The following SHANK2 variants were observed in gnomAD, a reference collection of about 807,000 sequenced individuals.
SHANK2 encodes SH3 and multiple ankyrin repeat domains protein 2.
SHANK2 carries 43 observed loss-of-function variants against 133.7 expected under a neutral mutation model. The observed-to-expected ratio is 0.32, with a 90% CI of 0.25 to 0.41. The LOEUF (loss-of-function observed/expected upper bound fraction) is 0.41. Ranked by LOEUF, SHANK2 falls within the 10% of genes least tolerant of loss-of-function variation. SHANK2 has a pLI of 1.00. For synonymous variants in SHANK2, 1,017 were observed against 952.8 expected (o/e 1.07, Z -1.24); for missense variants, 1,994 against 2,235.8 (o/e 0.89, Z 2.18).
intron 14 of SHANK2, among the ~76,000 whole-genome samples, chr11:70,741,564 G>A (rs1184781892): frequency 6.6e-6 from 1 of 152,182 alleles, no homozygotes; most frequent in East Asian, 1.9e-4. Flanking sequence ...CTTTCTTGGA[G>A]GTACTGCCTA....
chr11:70,654,830 T>C (rs1472594060), intron 17 of SHANK2, among the ~76,000 whole-genome samples: 2 of 151,096 alleles, frequency 1.3e-5, no homozygotes. Flanking sequence ...TGCAGTGGCG[T>C]GATCTCGGCT....
intron 4 of SHANK2, among the ~76,000 whole-genome samples, chr11:71,117,510 T>G (rs1555100583): frequency 6.6e-6 from 1 of 152,200 alleles, no homozygotes; most frequent in South Asian, 2.1e-4. Context: ...TGGGGGCTGG[T>G]GGCCGGAAGG....
intron 10 of SHANK2, chr11:70,942,981 A>G (rs1473815491): frequency 6.7e-6 from 3 of 448,908 alleles, no homozygotes; most frequent in Admixed American, 4.8e-5. Flanking sequence ...TTAGCTTGGG[A>G]GACTTATGCA....
chr11:70,515,637 G>GGA (rs781956373), intron 17 of SHANK2, among the ~76,000 whole-genome samples: 10 of 79,958 alleles, frequency 1.3e-4, no homozygotes, highest in Middle Eastern at 9.4e-3. Flanking sequence ...CTCGTTCCTT[G>GGA]AAAAAAAAAA....
rs1555052044 is a variant in SHANK2, at chr11:70,807,022, T to C, written c.1643A>G (p.His548Arg). ...CTGACCTTTGACCCTGTCACCGCGG[T>C]GAAGGGGGATCTCGCCGTCCACTTG... Reference protein sequence around the residue: ...QPQVDGEIPLHRGDRVKVLSI... With the variant: ...QPQVDGEIPLRRGDRVKVLSI... Residue 548 changes from histidine (H) to arginine (R), a missense_variant, in exon 13 of 26, where the codon CAC becomes CGC. Physicochemically the swap from His to Arg is conservative, Grantham distance 29. This residue lies in a region of SHANK2 where 653 missense variants were observed against 563.4 expected (regional missense o/e 1.16). Transcript: ENST00000601538. The surrounding 1 kb of genome is among the most constrained non-coding windows in gnomAD (Gnocchi z 4.8). The C allele has an allele frequency of 1.4e-6, 1 of 716,952 alleles. No homozygotes were observed. Among genetic ancestry groups the C allele is most frequent in the Non-Finnish European group, 2.6e-6 (1 of 384,636 alleles). 44.4% of individuals were successfully genotyped at this position (716,952 alleles called of 1,614,324 possible). A position where few individuals can be genotyped will look rare whatever the true frequency, so the allele number is the denominator to read the frequency against.
intron 25 of SHANK2, among the ~76,000 whole-genome samples, chr11:70,484,595 C>T (rs2058776142): frequency 6.6e-6 from 1 of 152,210 alleles, no homozygotes; most frequent in African/African-American, 2.4e-5. Context: ...AATATAGGCT[C>T]CTTCCAGACA....
chr11:70,914,184 T>C (rs191544512), intron 10 of SHANK2, among the ~76,000 whole-genome samples: 4 of 152,194 alleles, frequency 2.6e-5, no homozygotes, highest in East Asian at 3.9e-4. Flanking sequence ...CTCAGCTGCA[T>C]TGGACAGCCT....
chr11:70,499,204 C>G (rs577416222), intron 21 of SHANK2, among the ~76,000 whole-genome samples: 1 of 152,278 alleles, frequency 6.6e-6, no homozygotes, highest in Non-Finnish European at 1.5e-5. Context: ...CAGCAACGCT[C>G]GGTGTCTTCA....
At chr11:70,531,097 G>T (rs543101426) in intron 17 of SHANK2, among the ~76,000 whole-genome samples, 3 of 133,012 alleles carry the variant, frequency 2.3e-5, no homozygotes, top group African/African-American at 8.3e-5. Flanking sequence ...GGTGGAGGTT[G>T]CAATGAGCCA....
At chr11:70,898,373 A>C (rs934267456) in intron 10 of SHANK2, among the ~76,000 whole-genome samples, 2 of 152,020 alleles carry the variant, frequency 1.3e-5, no homozygotes, top group Non-Finnish European at 2.9e-5. Context: ...GGTGAAAAAA[A>C]CCAAATATCT....
At chr11:71,230,851 G>C (rs782120186) in intron 1 of SHANK2, among the ~76,000 whole-genome samples, 22 of 152,264 alleles carry the variant, frequency 1.4e-4, no homozygotes, top group African/African-American at 2.6e-4. Context: ...AACGATGCTG[G>C]AGCAATTGGA....
At chr11:70,814,150 C>A (rs1255636085) in intron 12 of SHANK2, among the ~76,000 whole-genome samples, 1 of 152,140 alleles carries the variant, frequency 6.6e-6, no homozygotes, top group Non-Finnish European at 1.5e-5. Context: ...ATGGCGCAAC[C>A]CCATCTCTAC....
chr11:71,221,074 G>A (rs181130001), intron 2 of SHANK2, among the ~76,000 whole-genome samples: 567 of 151,960 alleles, frequency 3.7e-3, no homozygotes, highest in African/African-American at 0.013. Flanking sequence ...GGTGGCAGGC[G>A]CCTGTAGTCC....
At chr11:71,075,583 G>C (rs1951208224) in intron 8 of SHANK2, among the ~76,000 whole-genome samples, 5 of 152,182 alleles carry the variant, frequency 3.3e-5, no homozygotes, top group Admixed American at 3.3e-4. Flanking sequence ...CCGGGGCCTA[G>C]AGCCCAGAGG....
chr11:70,778,551 G>A (rs569436008), intron 14 of SHANK2, among the ~76,000 whole-genome samples: 4 of 151,602 alleles, frequency 2.6e-5, no homozygotes, highest in Admixed American at 6.5e-5. Flanking sequence ...TGACCCAAGA[G>A]GACTGGCATT....
rs60150153 is a variant in SHANK2 at position 71,239,993 on chromosome 11, G to A, written c.-113+12432C>T. On this transcript the variant is annotated intron_variant, in intron 1 of 25. Transcript: ENST00000601538. ...AACACCAGGCAGTGGCCAGAAAGCC[G>A]TCTGAATATCCAAGGGTCTCCATGA... 9.2e-3 allele frequency among the ~76,000 whole-genome samples: 1,395 copies of A among 152,296 alleles called. 22 individuals carry two copies. The highest frequency in any genetic ancestry group is 0.032 in the African/African-American group (1,319 of 41,560).
At chr11:71,097,360 C>T (rs1319379874) in intron 6 of SHANK2, among the ~76,000 whole-genome samples, 1 of 152,082 alleles carries the variant, frequency 6.6e-6, no homozygotes, top group Non-Finnish European at 1.5e-5. Context: ...GGGATGCACA[C>T]CCAGTGACTG....
At position 70,586,048 on chromosome 11, in the gene SHANK2, C is replaced by A. The variant is rs182674436; in HGVS notation, c.2061+73780G>T. Among the ~76,000 whole-genome samples the A allele has an allele frequency of 1.7e-3, 254 of 152,274 alleles. 2 individuals carry two copies. Among genetic ancestry groups the A allele is most frequent in the African/African-American group, 5.9e-3 (245 of 41,544 alleles). ...AACCCTGACCTTGTGGAGTTTGCAA[C>A]CTGCAAGTGACAACTGAACAAGTAG... On this transcript the variant is annotated intron_variant, in intron 17 of 25. Coordinates refer to ENST00000601538, the MANE Select transcript of SHANK2 (RefSeq NM_012309.5).
chr11:70,537,446 G>A (rs2059559652), intron 17 of SHANK2, among the ~76,000 whole-genome samples: 1 of 152,282 alleles, frequency 6.6e-6, no homozygotes, highest in African/African-American at 2.4e-5. Flanking sequence ...GAGACACACA[G>A]CTGGGAGAGG....
Sources: allele counts gnomAD v4.1 joint callset (sites outside exome capture counted in the v4.1 genomes callset), GRCh38; gene constraint gnomAD v4.1.1; regional missense constraint gnomAD v4.1.1; non-coding constraint Gnocchi (gnomAD v3.1); transcripts MANE v1.5; gene names NCBI Gene and HGNC (gene_info 2026-07-23, HGNC 2026-07-21).